Variants in NRP2 observed in about 807,000 individuals in gnomAD.
The protein encoded by NRP2 is neuropilin-2.
Under a neutral mutation model 110.4 loss-of-function variants are expected in NRP2, and 52 were observed. The observed-to-expected ratio is 0.47, with a 90% confidence interval of 0.38 to 0.59. The LOEUF is 0.59. Ranked by LOEUF, NRP2 falls within the 20% of genes least tolerant of loss-of-function variation. NRP2 has a pLI of 0.00. For synonymous variants in NRP2, 508 were observed against 468.9 expected (o/e 1.08, Z -1.08); for missense variants, 1,049 against 1,203.0 (o/e 0.87, Z 1.89).
At chr2:205,769,161 G>T (rs947616994) in intron 15 of NRP2, among the ~76,000 whole-genome samples, 14 of 152,188 alleles carry the variant, frequency 9.2e-5, no homozygotes, top group African/African-American at 3.4e-4. Flanking sequence ...TGGAAACAGA[G>T]AAATCAGGGG....
In NRP2 at chr2:205,683,023, T is replaced by G; in HGVS notation, c.-268T>G. The G allele has an allele frequency of 2.0e-6, 1 of 490,766 alleles. No homozygotes were observed. Among genetic ancestry groups the G allele is most frequent in the Non-Finnish European group, 3.7e-6 (1 of 271,198 alleles). The allele number at this position is 490,766 out of a possible 1,614,324, so 30.4% of individuals were successfully genotyped here. On this transcript the variant is annotated 5_prime_UTR_variant, in exon 1 of 17. Coordinates refer to ENST00000357785, the MANE Select transcript of NRP2 (RefSeq NM_003872.3). ...ACTTTGAGGAACTGGAGAGAACATA[T>G]ATGCGTTTTGTTTTTAAGAGGAAAA...
chr2:205,742,277 C>T, intron 8 of NRP2, among the ~76,000 whole-genome samples: 1 of 152,226 alleles, frequency 6.6e-6, no homozygotes. Flanking sequence ...ATCATTTGTT[C>T]CACACATCTG....
At chr2:205,720,272 T>C (rs1456360948) in intron 3 of NRP2, among the ~76,000 whole-genome samples, 1 of 149,760 alleles carries the variant, frequency 6.7e-6, no homozygotes, top group Admixed American at 6.6e-5. Context: ...CTTTTTTTTT[T>C]TTTTTTTTTT....
chr2:205,706,342 C>G (rs2056677756), intron 2 of NRP2, among the ~76,000 whole-genome samples: 1 of 152,026 alleles, frequency 6.6e-6, no homozygotes, highest in African/African-American at 2.4e-5. Flanking sequence ...AATGGTGGAA[C>G]AAATAATTGT....
rs879772378 is a variant in NRP2, at chr2:205,722,176, C to G, written c.434-302C>G. The G allele has an allele frequency of 6.0e-5, 13 of 217,908 alleles. No homozygotes were observed. In the East Asian group the frequency reaches 1.3e-3, roughly 22 times the overall value. 13.5% of individuals were successfully genotyped at this position (217,908 alleles called of 1,614,324 possible). On this transcript the variant is annotated intron_variant, in intron 3 of 16. Transcript: ENST00000357785. Reference sequence around the variant, plus strand: ...TCTCTCTCTCTCTCTCTCTCATACACACACACACACACACACACACACACA... The same window carrying G: ...TCTCTCTCTCTCTCTCTCTCATACAGACACACACACACACACACACACACA...
At chr2:205,700,899 G>T (rs2056539598) in intron 2 of NRP2, 1 of 358,598 alleles carries the variant, frequency 2.8e-6, no homozygotes, top group African/African-American at 2.1e-5. Context: ...AGGCCACTGT[G>T]GTACTGCTGG....
chr2:205,745,516 C>T (rs2057522481), intron 9 of NRP2, among the ~76,000 whole-genome samples: 1 of 152,182 alleles, frequency 6.6e-6, no homozygotes, highest in Non-Finnish European at 1.5e-5. Flanking sequence ...CCTTTGTTTA[C>T]TTCCTATTTT....
intron 16 of NRP2, among the ~76,000 whole-genome samples, chr2:205,792,523 A>G (rs556413247): frequency 1.3e-4 from 20 of 152,356 alleles, no homozygotes; most frequent in African/African-American, 4.8e-4. Context: ...CCCTCTTTCC[A>G]GTAACTTTTT....
intron 15 of NRP2, chr2:205,779,244 T>C (rs1161002380): frequency 6.6e-6 from 1 of 152,242 alleles, no homozygotes; most frequent in Non-Finnish European, 1.5e-5. Context: ...AGGGAAGCCC[T>C]TATTTCTGGG....
At chr2:205,697,436 T>A (rs991273995) in intron 1 of NRP2, 108 bp from the exon 2 acceptor site, 1 of 1,048,008 alleles carries the variant, frequency 9.5e-7, no homozygotes, top group Non-Finnish European at 1.5e-6. Context: ...ATAAAAGGTC[T>A]GTAAAATAGT....
intron 9 of NRP2, among the ~76,000 whole-genome samples, chr2:205,744,540 C>T (rs849567): frequency 0.095 from 14,440 of 152,256 alleles, 944 homozygotes; most frequent in East Asian, 0.39. Context: ...TCAACACAGA[C>T]ACAAGGAGCC....
At chr2:205,793,238 A>G (rs578149257) in intron 16 of NRP2, among the ~76,000 whole-genome samples, 2 of 152,314 alleles carry the variant, frequency 1.3e-5, no homozygotes, top group South Asian at 2.1e-4. Flanking sequence ...AGAAAGGGCA[A>G]TGGGTAAGGA....
rs2056556930 is a variant in NRP2 at position 205,701,506 on chromosome 2, T to C, written c.251+3785T>C. On this transcript the variant is annotated intron_variant, in intron 2 of 16. Transcript: ENST00000357785. ...GTGAGCTGAGATTGTGCCACTGCAC[T>C]CCGGCCTGGGTGAAAGAGTGAGACT... is the stretch of plus-strand genomic sequence containing the variant. The C allele has an allele frequency of 4.1e-5, 6 of 145,170 alleles. No homozygotes were observed. In the Admixed American group the frequency reaches 4.3e-4, roughly 10 times the overall value. The allele number at this position is 145,170 out of a possible 1,614,324, so 9.0% of individuals were successfully genotyped here. A position where few individuals can be genotyped will look rare whatever the true frequency, so the allele number is the denominator to read the frequency against.
intron 2 of NRP2, among the ~76,000 whole-genome samples, chr2:205,708,058 C>G (rs1265347132): frequency 6.6e-6 from 1 of 152,220 alleles, no homozygotes. Flanking sequence ...CCTGCTAGTG[C>G]TGCTGCTGCC....
chr2:205,716,846 GC>G (rs1171184585), intron 3 of NRP2, among the ~76,000 whole-genome samples: 4 of 152,114 alleles, frequency 2.6e-5, no homozygotes, highest in Non-Finnish European at 5.9e-5. Context: ...TCACACCATA[GC>G]TTTTAAATTA....
At chr2:205,755,906 G>A in intron 12 of NRP2, among the ~76,000 whole-genome samples, 1 of 152,208 alleles carries the variant, frequency 6.6e-6, no homozygotes, top group Non-Finnish European at 1.5e-5. Context: ...AAAGGTGGAT[G>A]GGAGAGGAGC....
intron 12 of NRP2, chr2:205,762,145 G>A (rs552856117): frequency 1.3e-5 from 2 of 152,318 alleles, no homozygotes; most frequent in Non-Finnish European, 1.5e-5. Flanking sequence ...ACACCTTGTA[G>A]GGTATGTAGA....
intron 15 of NRP2, chr2:205,777,868 T>C (rs552177575): frequency 6.6e-6 from 1 of 152,296 alleles, no homozygotes; most frequent in East Asian, 1.9e-4. Context: ...ATCTGGCAAA[T>C]AGACCCTTGT....
chr2:205,784,206 TC>T (rs1049990361), intron 15 of NRP2, among the ~76,000 whole-genome samples: 2 of 152,194 alleles, frequency 1.3e-5, no homozygotes, highest in Non-Finnish European at 2.9e-5. Context: ...GGACTGGACT[TC>T]CCTGCAACTT....
Sources: allele counts gnomAD v4.1 joint callset (sites outside exome capture counted in the v4.1 genomes callset), GRCh38; gene constraint gnomAD v4.1.1; transcripts MANE v1.5; gene names NCBI Gene and HGNC (gene_info 2026-07-23, HGNC 2026-07-21).